The following MYO16 variants were observed in gnomAD, a reference collection of about 807,000 sequenced individuals.
MYO16 encodes the protein unconventional myosin-XVI.
In MYO16, 94 loss-of-function variants were observed where a neutral mutation model predicts 205.3. The ratio of observed to expected loss-of-function variants is 0.46; its 90% CI spans 0.39 to 0.54. MYO16 has a LOEUF of 0.54. Ranked by LOEUF, MYO16 falls within the 20% of genes least tolerant of loss-of-function variation. The pLI, the probability that MYO16 is intolerant of heterozygous loss-of-function variation, is 0.00. For missense variants in MYO16, 2,315 were observed against 2,387.5 expected, an observed-to-expected ratio of 0.97 and a Z score of 0.63; for synonymous variants, 988 against 954.0, an observed-to-expected ratio of 1.04 and a Z score of -0.66.
At chr13:108,623,517 T>G (rs1046250350) in intron 1 of MYO16, among the ~76,000 whole-genome samples, 2 of 152,150 alleles carry the variant, frequency 1.3e-5, no homozygotes, top group Non-Finnish European at 2.9e-5. Flanking sequence ...TGAAAAACAA[T>G]ATACACTCAG....
intron 1 of MYO16, among the ~76,000 whole-genome samples, chr13:108,653,721 T>C (rs557070033): frequency 1.3e-5 from 2 of 151,738 alleles, no homozygotes; most frequent in African/African-American, 4.8e-5. Flanking sequence ...AAAACATGAA[T>C]GTTGTTAGAA....
chr13:108,680,468 G>A lies in MYO16; in HGVS notation c.292+14319G>A, dbSNP rs74386834. 3.3e-3 allele frequency among the ~76,000 whole-genome samples: 508 copies of A among 152,284 alleles called. 4 individuals are homozygous for A. The highest frequency in any genetic ancestry group is 0.012 in the African/African-American group (495 of 41,562). On this transcript the variant is annotated intron_variant, in intron 2 of 34. Transcript: ENST00000457511. ...CCCACATATCCAAGGTTAATACATG[G>A]TGTCTGGATTAACCTCTCCAAAACT...
At chr13:108,811,242 T>C (rs1369717695) in intron 7 of MYO16, among the ~76,000 whole-genome samples, 2 of 152,194 alleles carry the variant, frequency 1.3e-5, no homozygotes, top group African/African-American at 4.8e-5. Context: ...CCCAAGTGTA[T>C]AAAAATTAAG....
At chr13:108,711,254 G>C (rs1402486048) in intron 2 of MYO16, among the ~76,000 whole-genome samples, 1 of 152,228 alleles carries the variant, frequency 6.6e-6, no homozygotes, top group Admixed American at 6.5e-5. Flanking sequence ...CGAGCTGTCA[G>C]GTTACAGCTG....
chr13:109,119,479 T>C (rs1012482683), intron 28 of MYO16, among the ~76,000 whole-genome samples: 2 of 152,238 alleles, frequency 1.3e-5, no homozygotes, highest in African/African-American at 2.4e-5. Context: ...CAATTACTTA[T>C]GTCTGCTTCT....
the MYO16 span, among the ~76,000 whole-genome samples, chr13:108,548,225 G>T: frequency 1.1e-4 from 16 of 151,936 alleles, no homozygotes; most frequent in African/African-American, 3.9e-4. Flanking sequence ...GATGGTGGTG[G>T]TGGTGGTGGT....
chr13:109,054,941 T>G (rs1887363137), intron 25 of MYO16, 105 bp from the exon 26 acceptor site: 1 of 597,514 alleles, frequency 1.7e-6, no homozygotes, highest in African/African-American at 2.0e-5. Context: ...CTTTTTTCCT[T>G]TCTCCCTCCC....
At chr13:108,724,527 C>G (rs1308145993) in intron 3 of MYO16, among the ~76,000 whole-genome samples, 1 of 152,162 alleles carries the variant, frequency 6.6e-6, no homozygotes, top group Non-Finnish European at 1.5e-5. Flanking sequence ...TGGTTGAAAT[C>G]TACCATCTTC....
intron 1 of MYO16, among the ~76,000 whole-genome samples, chr13:108,664,507 AGTG>A (rs1228901065): frequency 6.6e-6 from 1 of 152,224 alleles, no homozygotes; most frequent in East Asian, 1.9e-4. Context: ...AAGAAACAGA[AGTG>A]GAAATAGTGT....
intron 6 of MYO16, among the ~76,000 whole-genome samples, chr13:108,798,652 A>G (rs949023487): frequency 2.7e-5 from 4 of 149,548 alleles, no homozygotes; most frequent in Non-Finnish European, 4.4e-5. Flanking sequence ...CTGTGTTAGC[A>G]CATAATTTGA....
chr13:108,721,927 G>C (rs1027897652), intron 3 of MYO16, among the ~76,000 whole-genome samples: 1 of 152,158 alleles, frequency 6.6e-6, no homozygotes, highest in Non-Finnish European at 1.5e-5. Context: ...GTTGATTAAA[G>C]GGCTTGGTAA....
At chr13:108,769,923 G>C (rs910230543) in intron 4 of MYO16, among the ~76,000 whole-genome samples, 2 of 152,106 alleles carry the variant, frequency 1.3e-5, no homozygotes, top group African/African-American at 4.8e-5. Flanking sequence ...TGATGGAAAC[G>C]CTTTAAATGT....
chr13:108,670,996 A>G (rs993862822), intron 2 of MYO16, among the ~76,000 whole-genome samples: 1 of 152,202 alleles, frequency 6.6e-6, no homozygotes, highest in Non-Finnish European at 1.5e-5. Context: ...TATATTATGA[A>G]TATTGGTATA....
At chr13:108,733,548 A>T (rs1191518804) in intron 4 of MYO16, among the ~76,000 whole-genome samples, 1 of 151,660 alleles carries the variant, frequency 6.6e-6, no homozygotes, top group Non-Finnish European at 1.5e-5. Flanking sequence ...ATTCAGAGCT[A>T]AGAGTCCCTA....
the MYO16 span, among the ~76,000 whole-genome samples, chr13:108,567,638 G>A: frequency 6.6e-6 from 1 of 151,974 alleles, no homozygotes; most frequent in Non-Finnish European, 1.5e-5. Flanking sequence ...ACAATGTCAT[G>A]CAGCACATTA....
chr13:108,830,695 G>A (rs1214187668), intron 9 of MYO16, among the ~76,000 whole-genome samples: 2 of 151,432 alleles, frequency 1.3e-5, no homozygotes, highest in Non-Finnish European at 1.5e-5. Flanking sequence ...CACCAGCATG[G>A]CACATGTATA....
intron 6 of MYO16, 51 bp from the exon 7 acceptor site, chr13:108,806,628 T>G: frequency 6.4e-7 from 1 of 1,568,044 alleles, no homozygotes; most frequent in Non-Finnish European, 8.7e-7. Context: ...GTGAACTGCA[T>G]GAATATCACT....
At chr13:109,186,078 A>T (rs1879674548) in intron 34 of MYO16, among the ~76,000 whole-genome samples, 2 of 152,176 alleles carry the variant, frequency 1.3e-5, no homozygotes, top group African/African-American at 4.8e-5. Flanking sequence ...AGGCAAGAGG[A>T]TCACTTGAGC....
intron 6 of MYO16, among the ~76,000 whole-genome samples, chr13:108,794,771 T>A (rs530692405): frequency 6.6e-6 from 1 of 151,972 alleles, no homozygotes; most frequent in African/African-American, 2.4e-5. Context: ...GGGAAAAAAA[T>A]TTGAGAGAAA....
Sources: allele counts gnomAD v4.1 joint callset (sites outside exome capture counted in the v4.1 genomes callset), GRCh38; gene constraint gnomAD v4.1.1; transcripts MANE v1.5; gene names NCBI Gene and HGNC (gene_info 2026-07-23, HGNC 2026-07-21).